Variants in COMMD10 observed in about 807,000 individuals in gnomAD.
COMMD10 encodes the protein COMM domain-containing protein 10.
In COMMD10, 33 loss-of-function variants were observed where a neutral mutation model predicts 28.9. That is an observed-to-expected ratio of 1.14 (90% confidence interval 0.87 to 1.53). The LOEUF (loss-of-function observed/expected upper bound fraction) is 1.53. COMMD10 is among the 40% of genes most tolerant of loss of function. COMMD10 has a pLI of 0.00. For synonymous variants in COMMD10, 110 were observed against 81.7 expected (o/e 1.35, Z -1.87); for missense variants, 310 against 233.4 (o/e 1.33, Z -2.14).
At position 116,128,113 on chromosome 5, in the gene COMMD10, C is replaced by A. The variant is rs117851736; in HGVS notation, c.400-5955C>A. Among the ~76,000 whole-genome samples the A allele has an allele frequency of 7.9e-5, 12 of 152,072 alleles. No individual in the cohort carries two copies. In the East Asian group the frequency reaches 2.1e-3, roughly 27 times the overall value. ...TAGAGAGCTTCTAGTAAAAATTTAG[C>A]TGGTAAATTTACATTTTCTTTTCCT... On this transcript the variant is annotated intron_variant, in intron 4 of 6. Transcript: ENST00000274458.
chr5:116,119,436 G>A (rs1751349803), intron 4 of COMMD10, among the ~76,000 whole-genome samples: 1 of 152,228 alleles, frequency 6.6e-6, no homozygotes, highest in Non-Finnish European at 1.5e-5. Flanking sequence ...GAGGGCAACA[G>A]ACTCCTGAGG....
chr5:116,262,431 G>A (rs1358970725), intron 5 of COMMD10, among the ~76,000 whole-genome samples: 1 of 151,640 alleles, frequency 6.6e-6, no homozygotes, highest in Non-Finnish European at 1.5e-5. Flanking sequence ...GTGTATATGT[G>A]TTTTTGTTTT....
intron 5 of COMMD10, among the ~76,000 whole-genome samples, chr5:116,210,924 GATAATA>G (rs757907268): frequency 6.6e-6 from 1 of 151,972 alleles, no homozygotes; most frequent in South Asian, 2.1e-4. Flanking sequence ...CTCTAGAAAA[GATAATA>G]ATAATACATA....
chr5:116,194,852 A>ACATACC (rs2112616508), intron 5 of COMMD10, among the ~76,000 whole-genome samples: 1 of 152,286 alleles, frequency 6.6e-6, no homozygotes, highest in Admixed American at 6.5e-5. Context: ...TCAGGAAAGG[A>ACATACC]CATAACCAAA....
chr5:116,157,482 C>T (rs1456094265), intron 5 of COMMD10, among the ~76,000 whole-genome samples: 2 of 152,090 alleles, frequency 1.3e-5, no homozygotes, highest in Non-Finnish European at 2.9e-5. Flanking sequence ...TGTCGGTTAT[C>T]ATTTAGCAGG....
chr5:116,194,615 C>A (rs1028660646), intron 5 of COMMD10, among the ~76,000 whole-genome samples: 1 of 152,000 alleles, frequency 6.6e-6, no homozygotes, highest in Non-Finnish European at 1.5e-5. Context: ...TAGCTGCTTA[C>A]ATCAGGAAGA....
chr5:116,107,215 T>C (rs1204419970), intron 4 of COMMD10, among the ~76,000 whole-genome samples: 2 of 152,198 alleles, frequency 1.3e-5, no homozygotes, highest in East Asian at 3.8e-4. Flanking sequence ...TGAATTTGAA[T>C]GTTGGCCTGC....
rs1255874190 is a variant in COMMD10 at position 116,291,598 on chromosome 5, T to C, written c.570+22T>C. The C allele has an allele frequency of 4.5e-6, 6 of 1,338,998 alleles. No individual in the cohort carries two copies. The East Asian group carries it at 1.4e-4, about 32-fold the overall frequency. 82.9% of individuals were successfully genotyped at this position (1,338,998 alleles called of 1,614,324 possible). A position where few individuals can be genotyped will look rare whatever the true frequency, so the allele number is the denominator to read the frequency against. Reference sequence around the variant, plus strand: ...CAAGGTCTGTATTTTTAAAATAATTTTCTAATATGTGGAGTTTTTTTCATA... The same window carrying C: ...CAAGGTCTGTATTTTTAAAATAATTCTCTAATATGTGGAGTTTTTTTCATA... On this transcript the variant is annotated intron_variant, in intron 6 of 6. Transcript: ENST00000274458.
In COMMD10 at chr5:116,173,041, A is replaced by C. The variant is rs530354007; in HGVS notation, c.510+38863A>C. On this transcript the variant is annotated intron_variant, in intron 5 of 6. Coordinates refer to ENST00000274458, the MANE Select transcript of COMMD10 (RefSeq NM_016144.4). ...GAGATTCATAATAATGTAAATTAAC[A>C]CATATAACCCTTTTTTCTGTTTGTA... is the stretch of plus-strand genomic sequence containing the variant. 1.4e-4 allele frequency among the ~76,000 whole-genome samples: 21 copies of C among 152,278 alleles called. No homozygotes were observed. The South Asian group carries it at 4.1e-3, about 30-fold the overall frequency.
At chr5:116,267,903 A>C (rs1196386436) in intron 5 of COMMD10, among the ~76,000 whole-genome samples, 2 of 151,918 alleles carry the variant, frequency 1.3e-5, no homozygotes, top group Non-Finnish European at 2.9e-5. Flanking sequence ...CATATGTAGA[A>C]AGCTGAAACT....
intron 5 of COMMD10, among the ~76,000 whole-genome samples, chr5:116,244,660 C>CAAAAAAAAAAAAAAAAAAAAAAAAAATT (rs60360733): frequency 1.3e-5 from 1 of 79,486 alleles, no homozygotes; most frequent in African/African-American, 3.6e-5. Context: ...AAAAAAATTA[C>CAAAAAAAAAAAAAAAAAAAAAAAAAATT]AAAAAAAAAA....
intron 5 of COMMD10, among the ~76,000 whole-genome samples, chr5:116,221,905 A>G (rs1749270194): frequency 6.6e-6 from 1 of 152,172 alleles, no homozygotes; most frequent in Non-Finnish European, 1.5e-5. Flanking sequence ...AGGGAGGTAG[A>G]TAGGCAGGCA....
chr5:116,216,537 T>G (rs1271637819), intron 5 of COMMD10, among the ~76,000 whole-genome samples: 2 of 148,272 alleles, frequency 1.3e-5, no homozygotes, highest in Non-Finnish European at 2.9e-5. Context: ...TTTGTTTTTG[T>G]TGTTTGTTTG....
intron 4 of COMMD10, among the ~76,000 whole-genome samples, chr5:116,130,435 A>C (rs539321465): frequency 2.0e-5 from 3 of 152,012 alleles, no homozygotes; most frequent in African/African-American, 7.2e-5. Flanking sequence ...TTGTTAATTT[A>C]TTGACCCTGC....
intron 5 of COMMD10, among the ~76,000 whole-genome samples, chr5:116,160,913 A>G (rs572589630): frequency 1.3e-5 from 2 of 152,244 alleles, no homozygotes; most frequent in East Asian, 1.9e-4. Context: ...TCTGTGTTGA[A>G]AATATTGGTA....
At chr5:116,258,347 T>C (rs1049288218) in intron 5 of COMMD10, among the ~76,000 whole-genome samples, 11 of 151,792 alleles carry the variant, frequency 7.2e-5, no homozygotes, top group African/African-American at 2.7e-4. Context: ...TAATTTTAGA[T>C]TATTTCCTTT....
rs1750336591 is a variant in COMMD10, at chr5:116,092,644, T to C, written c.343T>C (p.Ser115Pro). 5 of 1,611,814 alleles carry C rather than the reference T, an allele frequency of 3.1e-6. No homozygotes were observed. Among genetic ancestry groups the C allele is most frequent in the Non-Finnish European group, 4.2e-6 (5 of 1,178,866 alleles). ...TGAAGCATTTGTCAATACGTGGTCT[T>C]CTATGGGTCAAGAAACAGTTGAAAA... Reference protein sequence around the residue: ...KAEAFVNTWSSMGQETVEKFR... With the variant: ...KAEAFVNTWSPMGQETVEKFR... The change falls in exon 4 of 7, where the codon TCT becomes CCT. Residue 115 changes from serine to proline, a missense_variant. Transcript: ENST00000274458.
rs903575389 is a variant in COMMD10 at position 116,246,440 on chromosome 5, T to G, written c.511-45077T>G. On this transcript the variant is annotated intron_variant, in intron 5 of 6. Transcript: ENST00000274458. ...TTTATAGATTCAGTGCTATTCCTAT[T>G]AAACCTCCATTGAGATTCTTTGTAG... Among the ~76,000 whole-genome samples, 11 of 151,618 alleles carry G rather than the reference T, an allele frequency of 7.3e-5. No individual in the cohort carries two copies. In the East Asian group the frequency reaches 1.5e-3, roughly 21 times the overall value.
intron 5 of COMMD10, among the ~76,000 whole-genome samples, chr5:116,226,237 G>A (rs1234376811): frequency 6.6e-6 from 1 of 151,812 alleles, no homozygotes. Flanking sequence ...GGTTTTGTAT[G>A]ACCACGTCAG....
Sources: allele counts gnomAD v4.1 joint callset (sites outside exome capture counted in the v4.1 genomes callset), GRCh38; gene constraint gnomAD v4.1.1; transcripts MANE v1.5; gene names NCBI Gene and HGNC (gene_info 2026-07-23, HGNC 2026-07-21).